The following MGAT4C variants were observed in gnomAD, a reference collection of about 807,000 sequenced individuals.
MGAT4C encodes alpha-1,3-mannosyl-glycoprotein 4-beta-N-acetylglucosaminyltransferase C.
MGAT4C carries 19 observed loss-of-function variants against 40.1 expected under a neutral mutation model. That is an observed-to-expected ratio of 0.47 (90% CI 0.33 to 0.70). The LOEUF (loss-of-function observed/expected upper bound fraction) is 0.70, where lower values mean the gene tolerates loss of function less well. Ranked by LOEUF, MGAT4C falls within the 30% of genes least tolerant of loss-of-function variation. The pLI is 0.02. For missense variants in MGAT4C, 491 were observed against 563.2 expected (o/e 0.87, Z 1.30); for synonymous variants, 181 against 187.1 (o/e 0.97, Z 0.27).
At chr12:86,703,595 G>T (rs993190015) in intron 2 of MGAT4C, among the ~76,000 whole-genome samples, 15 of 152,040 alleles carry the variant, frequency 9.9e-5, no homozygotes, top group Admixed American at 6.6e-4. Context: ...AGGTATATTG[G>T]TTTTTTAAAT....
At chr12:86,076,656 G>A (rs1299428917) in intron 1 of MGAT4C, among the ~76,000 whole-genome samples, 1 of 152,112 alleles carries the variant, frequency 6.6e-6, no homozygotes, top group East Asian at 1.9e-4. Flanking sequence ...GAAAAATGAG[G>A]AAGAGGCAAA....
chr12:86,636,033 A>G (rs1005391287), intron 2 of MGAT4C, among the ~76,000 whole-genome samples: 2 of 151,972 alleles, frequency 1.3e-5, no homozygotes, highest in South Asian at 4.1e-4. Context: ...CCATTGTGTT[A>G]CAATTGCCTA....
intron 2 of MGAT4C, among the ~76,000 whole-genome samples, chr12:86,593,006 C>T (rs1334744230): frequency 6.6e-6 from 1 of 151,976 alleles, no homozygotes; most frequent in East Asian, 1.9e-4. Flanking sequence ...AATATTGGCA[C>T]TGTTTATAAA....
intron 2 of MGAT4C, among the ~76,000 whole-genome samples, chr12:86,603,725 T>C (rs868200175): frequency 7.6e-6 from 1 of 131,366 alleles, no homozygotes; most frequent in African/African-American, 2.8e-5. Context: ...GACTATATAC[T>C]ATATAATTAT....
intron 1 of MGAT4C, among the ~76,000 whole-genome samples, chr12:86,096,572 T>C (rs1873958768): frequency 6.6e-6 from 1 of 151,664 alleles, no homozygotes; most frequent in Admixed American, 6.6e-5. Context: ...TAATTTGTTT[T>C]GGATTACTTT....
chr12:86,092,984 T>A (rs1330187131), intron 1 of MGAT4C, among the ~76,000 whole-genome samples: 1 of 152,186 alleles, frequency 6.6e-6, no homozygotes, highest in East Asian at 1.9e-4. Context: ...TAGGTATTTC[T>A]CCTAATGCTA....
At chr12:86,043,529 A>C (rs1892082481) in intron 2 of MGAT4C, among the ~76,000 whole-genome samples, 1 of 152,198 alleles carries the variant, frequency 6.6e-6, no homozygotes, top group Admixed American at 6.5e-5. Context: ...TATTCTAGCC[A>C]CACTGGCAGC....
intron 1 of MGAT4C, among the ~76,000 whole-genome samples, chr12:86,076,287 A>G (rs977440243): frequency 1.3e-5 from 2 of 152,178 alleles, no homozygotes; most frequent in Non-Finnish European, 2.9e-5. Flanking sequence ...AGACCACCTC[A>G]GCCTGGATCT....
chr12:86,148,067 T>C (rs774642412), intron 1 of MGAT4C, among the ~76,000 whole-genome samples: 27 of 152,188 alleles, frequency 1.8e-4, no homozygotes, highest in Non-Finnish European at 3.7e-4. Context: ...AACATCTATA[T>C]TGAAGCATTT....
chr12:86,579,312 T>C (rs1960685098), intron 2 of MGAT4C, among the ~76,000 whole-genome samples: 2 of 151,630 alleles, frequency 1.3e-5, no homozygotes, highest in South Asian at 4.1e-4. Context: ...ATTTTTTGTG[T>C]ATCCATTGTA....
intron 2 of MGAT4C, among the ~76,000 whole-genome samples, chr12:86,484,526 C>A (rs559584691): frequency 1.3e-5 from 2 of 152,322 alleles, no homozygotes; most frequent in Admixed American, 1.3e-4. Flanking sequence ...TCCCCCAACA[C>A]AGCCAGTGTC....
In MGAT4C at chr12:86,735,657, T is replaced by C. The variant is rs185084149; in HGVS notation, c.-261-8416A>G. Among the ~76,000 whole-genome samples the C allele has an allele frequency of 1.9e-4, 29 of 151,996 alleles. No homozygotes were observed. In the East Asian group the frequency reaches 4.9e-3, roughly 26 times the overall value. The stretch of plus-strand genomic sequence containing the variant: ...TCACAGGAAATACTCAAATAAAGAC[T>C]AAATATTAGTTATACTGTGAAGAAG... On this transcript the variant is annotated intron_variant, in intron 1 of 7. Coordinates refer to the MGAT4C transcript ENST00000548651.
At chr12:86,327,893 T>A (rs564566365) in intron 4 of MGAT4C, among the ~76,000 whole-genome samples, 1 of 152,308 alleles carries the variant, frequency 6.6e-6, no homozygotes, top group East Asian at 1.9e-4. Flanking sequence ...CTTTCCCCAC[T>A]GACAGCTTAA....
At chr12:86,606,734 A>T (rs1312090251) in intron 2 of MGAT4C, among the ~76,000 whole-genome samples, 3 of 152,092 alleles carry the variant, frequency 2.0e-5, no homozygotes, top group African/African-American at 7.2e-5. Context: ...ACAACTACCA[A>T]GATTGCTGGA....
At chr12:86,749,437 T>C (rs1419751732) in intron 1 of MGAT4C, among the ~76,000 whole-genome samples, 2 of 151,730 alleles carry the variant, frequency 1.3e-5, no homozygotes, top group African/African-American at 4.8e-5. Context: ...TATGAGGAAA[T>C]AGTATGTCAT....
rs938155712 is a variant in MGAT4C at position 86,240,245 on chromosome 12, A to G, written c.-57+15994T>C. Among the ~76,000 whole-genome samples, 11 of 151,548 alleles carry G rather than the reference A, an allele frequency of 7.3e-5. 1 individual carries two copies. The highest frequency in any genetic ancestry group is 2.4e-4 in the African/African-American group (10 of 41,392). On this transcript the variant is annotated intron_variant, in intron 1 of 4. Transcript: ENST00000611864. ...ATTTTGTTTTTATTCAAACATCGCAAAAGAGTTACACAGTGAAAAGCAGGT... is the reference window on the plus strand; with the variant it reads ...ATTTTGTTTTTATTCAAACATCGCAGAAGAGTTACACAGTGAAAAGCAGGT...
chr12:86,187,097 C>T (rs369684267), intron 1 of MGAT4C, among the ~76,000 whole-genome samples: 5 of 151,906 alleles, frequency 3.3e-5, no homozygotes, highest in Non-Finnish European at 5.9e-5. Context: ...ATGCTCTATA[C>T]GAGGCTTTTA....
chr12:86,444,512 C>T (rs550634655), intron 2 of MGAT4C, among the ~76,000 whole-genome samples: 65 of 152,288 alleles, frequency 4.3e-4, no homozygotes, highest in Non-Finnish European at 8.8e-4. Context: ...CATCTGCATA[C>T]TGATCTCAAT....
intron 1 of MGAT4C, among the ~76,000 whole-genome samples, chr12:86,811,336 ATT>A (rs553885593): frequency 0.51 from 54,234 of 106,134 alleles, 11,679 homozygotes; most frequent in Admixed American, 0.59. Context: ...CACTCATAGT[ATT>A]TTTTTTTTTT....
Sources: allele counts gnomAD v4.1 joint callset (sites outside exome capture counted in the v4.1 genomes callset), GRCh38; gene constraint gnomAD v4.1.1; transcripts MANE v1.5; gene names NCBI Gene and HGNC (gene_info 2026-07-23, HGNC 2026-07-21).